SLC2A13: variants seen among roughly 807,000 people sequenced by gnomAD.
The protein encoded by SLC2A13 is proton myo-inositol cotransporter.
In SLC2A13, 32 loss-of-function variants were observed where a neutral mutation model predicts 64.4. The observed-to-expected ratio is 0.50, with a 90% confidence interval of 0.37 to 0.67. SLC2A13 has a LOEUF of 0.67. Among genes scored for constraint, SLC2A13 ranks in the 30% least tolerant of loss-of-function variants. The pLI is 0.00. For synonymous variants in SLC2A13, 338 were observed against 327.1 expected (o/e 1.03, Z -0.36); for missense variants, 743 against 829.2 (o/e 0.90, Z 1.28).
chr12:39,826,846 C>G (rs1942693935), intron 7 of SLC2A13, among the ~76,000 whole-genome samples: 1 of 40,354 alleles, frequency 2.5e-5, no homozygotes, highest in Admixed American at 3.5e-4. Flanking sequence ...CTTTTAAAGT[C>G]TCTTTCAATT....
At chr12:39,854,504 C>T (rs939425833) in intron 6 of SLC2A13, among the ~76,000 whole-genome samples, 2 of 152,288 alleles carry the variant, frequency 1.3e-5, no homozygotes, top group Middle Eastern at 3.4e-3. Context: ...TTGCCTTTAA[C>T]ATTTATTTGT....
intron 2 of SLC2A13, among the ~76,000 whole-genome samples, chr12:40,030,774 G>C (rs1304127393): frequency 6.6e-6 from 1 of 151,998 alleles, no homozygotes; most frequent in Non-Finnish European, 1.5e-5. Context: ...AAGACAAAAA[G>C]AAAAGGAAAA....
At chr12:40,091,643 C>G (rs1159530332) in intron 1 of SLC2A13, among the ~76,000 whole-genome samples, 1 of 152,092 alleles carries the variant, frequency 6.6e-6, no homozygotes, top group Admixed American at 6.6e-5. Flanking sequence ...CTCTCCTTAA[C>G]CAGAAACTAT....
chr12:39,901,278 T>C (rs554295140), intron 4 of SLC2A13, among the ~76,000 whole-genome samples: 18 of 152,290 alleles, frequency 1.2e-4, no homozygotes, highest in Admixed American at 1.1e-3. Flanking sequence ...GACATAGGCA[T>C]GGGCAAGGAC....
chr12:40,019,816 CTG>C (rs915623703), intron 3 of SLC2A13, among the ~76,000 whole-genome samples: 1 of 152,118 alleles, frequency 6.6e-6, no homozygotes, highest in African/African-American at 2.4e-5. Flanking sequence ...AGGGGAAAAA[CTG>C]TACTGAAAAA....
intron 7 of SLC2A13, among the ~76,000 whole-genome samples, chr12:39,775,428 T>G (rs1940740939): frequency 6.6e-6 from 1 of 152,232 alleles, no homozygotes; most frequent in Admixed American, 6.5e-5. Flanking sequence ...CCTGTATTCC[T>G]GAAGTTCTCT....
intron 1 of SLC2A13, among the ~76,000 whole-genome samples, chr12:40,079,065 T>C (rs1190186032): frequency 6.6e-6 from 1 of 152,160 alleles, no homozygotes; most frequent in Non-Finnish European, 1.5e-5. Context: ...ATGCATTCTT[T>C]CGAAGAACCA....
intron 1 of SLC2A13, among the ~76,000 whole-genome samples, chr12:40,090,693 C>G (rs2136296284): frequency 6.6e-6 from 1 of 152,240 alleles, no homozygotes; most frequent in South Asian, 2.1e-4. Flanking sequence ...TGCATAATTA[C>G]CAAACAAATG....
chr12:39,760,638 T>C (rs1371864125), intron 9 of SLC2A13, among the ~76,000 whole-genome samples: 1 of 151,990 alleles, frequency 6.6e-6, no homozygotes, highest in East Asian at 1.9e-4. Context: ...TTGCCTTGTC[T>C]ATTACACTAG....
chr12:39,810,655 A>C (rs1337419820), intron 7 of SLC2A13, among the ~76,000 whole-genome samples: 2 of 152,146 alleles, frequency 1.3e-5, no homozygotes, highest in Non-Finnish European at 2.9e-5. Flanking sequence ...TCCTTCCATT[A>C]CCAGCCTTCT....
chr12:39,966,012 T>A (rs2136121537), intron 3 of SLC2A13, among the ~76,000 whole-genome samples: 1 of 152,044 alleles, frequency 6.6e-6, no homozygotes, highest in South Asian at 2.1e-4. Context: ...GGCTTGACTG[T>A]CCATAAGGAG....
intron 2 of SLC2A13, among the ~76,000 whole-genome samples, chr12:40,046,432 A>G (rs1592036312): frequency 1.3e-5 from 2 of 152,222 alleles, no homozygotes; most frequent in South Asian, 4.1e-4. Context: ...GATTTATGCA[A>G]CTATACATGC....
chr12:40,008,824 A>C (rs993640827), intron 3 of SLC2A13, among the ~76,000 whole-genome samples: 1 of 152,192 alleles, frequency 6.6e-6, no homozygotes, highest in Non-Finnish European at 1.5e-5. Flanking sequence ...CTACTTCTAG[A>C]TATCTACCCT....
chr12:40,072,896 TTTA>T (rs1472060862), intron 1 of SLC2A13, among the ~76,000 whole-genome samples: 1 of 152,078 alleles, frequency 6.6e-6, no homozygotes, highest in Admixed American at 6.6e-5. Flanking sequence ...GTCTACCATA[TTTA>T]TTGTTTTCAT....
chr12:39,974,615 A>G (rs796673796), intron 3 of SLC2A13, among the ~76,000 whole-genome samples: 2 of 152,316 alleles, frequency 1.3e-5, no homozygotes, highest in African/African-American at 2.4e-5. Flanking sequence ...CTTTTGAAGC[A>G]CTTCATTGAG....
chr12:40,077,054 A>G (rs893016409), intron 1 of SLC2A13, among the ~76,000 whole-genome samples: 1 of 151,718 alleles, frequency 6.6e-6, no homozygotes, highest in East Asian at 1.9e-4. Flanking sequence ...TGGATATTAG[A>G]CCTTTGTTGG....
chr12:39,876,075 A>C (rs1324487357), intron 4 of SLC2A13, among the ~76,000 whole-genome samples: 1 of 152,226 alleles, frequency 6.6e-6, no homozygotes, highest in African/African-American at 2.4e-5. Flanking sequence ...ACAAACTATC[A>C]TCTTCTTCAA....
chr12:39,823,219 A>G (rs1407464549), intron 7 of SLC2A13, among the ~76,000 whole-genome samples: 4 of 152,212 alleles, frequency 2.6e-5, no homozygotes, highest in African/African-American at 9.6e-5. Context: ...ATTCTATATC[A>G]GACACTATAC....
At chr12:39,921,700 C>T (rs1182931098) in intron 4 of SLC2A13, among the ~76,000 whole-genome samples, 2 of 152,060 alleles carry the variant, frequency 1.3e-5, no homozygotes, top group South Asian at 2.1e-4. Flanking sequence ...TCAAGTAACC[C>T]TAACTGAGTA....
Sources: allele counts gnomAD v4.1 joint callset (sites outside exome capture counted in the v4.1 genomes callset), GRCh38; gene constraint gnomAD v4.1.1; transcripts MANE v1.5; gene names NCBI Gene and HGNC (gene_info 2026-07-23, HGNC 2026-07-21).